Variants in ATP2B4 observed in about 807,000 individuals in gnomAD.
ATP2B4 encodes plasma membrane calcium-transporting ATPase 4.
In ATP2B4, 39 loss-of-function variants were observed where a neutral mutation model predicts 110.3. That is an observed-to-expected ratio of 0.35 (90% CI 0.27 to 0.46). ATP2B4 has a LOEUF of 0.46. Ranked by LOEUF, ATP2B4 falls within the 20% of genes least tolerant of loss-of-function variation. ATP2B4 has a pLI of 1.00. For synonymous variants in ATP2B4, 538 were observed against 571.7 expected (o/e 0.94, Z 0.84); for missense variants, 1,135 against 1,530.9 (o/e 0.74, Z 4.32).
chr1:203,656,651 T>C (rs1332385673), intron 1 of ATP2B4, among the ~76,000 whole-genome samples: 1 of 152,242 alleles, frequency 6.6e-6, no homozygotes, highest in Non-Finnish European at 1.5e-5. Context: ...ATTAAGTGTG[T>C]ATTAACCTTT....
At chr1:203,734,598 C>G (rs937817847) in intron 20 of ATP2B4, among the ~76,000 whole-genome samples, 8 of 150,898 alleles carry the variant, frequency 5.3e-5, no homozygotes, top group African/African-American at 1.7e-4. Context: ...CCCAGCTACT[C>G]GGGAGGCTGA....
At chr1:203,649,681 C>A (rs752879553) in intron 1 of ATP2B4, among the ~76,000 whole-genome samples, 14 of 152,116 alleles carry the variant, frequency 9.2e-5, no homozygotes, top group Non-Finnish European at 2.1e-4. Flanking sequence ...GTAGTCCCAG[C>A]TACTCAAGAG....
intron 1 of ATP2B4, among the ~76,000 whole-genome samples, chr1:203,637,952 G>A (rs908499770): frequency 1.1e-4 from 17 of 152,204 alleles, no homozygotes; most frequent in Middle Eastern, 3.2e-3. Flanking sequence ...TCTGGTGCAG[G>A]GACACATGAC....
chr1:203,630,363 C>G (rs1182804096), intron 1 of ATP2B4, among the ~76,000 whole-genome samples: 1 of 21,768 alleles, frequency 4.6e-5, no homozygotes, highest in Non-Finnish European at 2.4e-4. Flanking sequence ...CTCTCTCTCT[C>G]TCTCTCTTTT....
At chr1:203,648,613 C>T (rs1026386101) in intron 1 of ATP2B4, among the ~76,000 whole-genome samples, 17 of 152,164 alleles carry the variant, frequency 1.1e-4, no homozygotes, top group African/African-American at 1.7e-4. Context: ...GGCACCTGTT[C>T]GGTGCAGGAT....
intron 1 of ATP2B4, among the ~76,000 whole-genome samples, chr1:203,645,115 T>A (rs1000499030): frequency 1.3e-5 from 2 of 152,200 alleles, no homozygotes; most frequent in Non-Finnish European, 2.9e-5. Context: ...ATTAGTGAAG[T>A]GTACATTCTC....
rs115685570 is a variant in ATP2B4 at position 203,651,011 on chromosome 1, G to A, written c.-465+23792G>A. 4.7e-3 allele frequency among the ~76,000 whole-genome samples: 721 copies of A among 152,262 alleles called. 8 individuals are homozygous for A. Among genetic ancestry groups the A allele is most frequent in the African/African-American group, 0.017 (688 of 41,536 alleles). Reference sequence around the variant, plus strand: ...CTGCTCTCTTAATTCCTGGGCTCTAGTGATCCTCCTGCCTCGGCCTCCCAA... The same window carrying A: ...CTGCTCTCTTAATTCCTGGGCTCTAATGATCCTCCTGCCTCGGCCTCCCAA... On this transcript the variant is annotated intron_variant, in intron 1 of 20. Coordinates refer to ENST00000357681, the MANE Select transcript of ATP2B4 (RefSeq NM_001684.5).
rs545834602 is a variant in ATP2B4, at chr1:203,742,268, A to G, written c.*2414A>G. The G allele has an allele frequency of 6.5e-6, 1 of 152,766 alleles. No individual in the cohort carries two copies. Among genetic ancestry groups the G allele is most frequent in the South Asian group, 2.1e-4 (1 of 4,834 alleles). The allele number at this position is 152,766 out of a possible 1,614,324, so 9.5% of individuals were successfully genotyped here. ...ATATTTGTAATTGGTTTTAAAACCA[A>G]TACACCATACTTTCTTTCTGCAAAC... On this transcript the variant is annotated 3_prime_UTR_variant, in exon 21 of 21. Transcript: ENST00000357681.
At chr1:203,706,944 A>G in intron 8 of ATP2B4, 65 bp from the exon 9 acceptor site, 2 of 1,392,194 alleles carry the variant, frequency 1.4e-6, no homozygotes, top group Non-Finnish European at 2.0e-6. Flanking sequence ...ATGCCAATCT[A>G]TCTCTGGCTA....
At chr1:203,659,395 G>A (rs906493236) in intron 1 of ATP2B4, among the ~76,000 whole-genome samples, 1 of 152,178 alleles carries the variant, frequency 6.6e-6, no homozygotes, top group South Asian at 2.1e-4. Flanking sequence ...CTGGCCAGGT[G>A]CAGTGGCTCA....
At chr1:203,736,992 G>A (rs1241539930) in intron 20 of ATP2B4, among the ~76,000 whole-genome samples, 1 of 152,162 alleles carries the variant, frequency 6.6e-6, no homozygotes, top group Non-Finnish European at 1.5e-5. Flanking sequence ...CCTTACAGGT[G>A]GCTGGTTTCC....
intron 1 of ATP2B4, among the ~76,000 whole-genome samples, chr1:203,639,323 G>A (rs933836250): frequency 6.6e-6 from 1 of 152,254 alleles, no homozygotes; most frequent in East Asian, 1.9e-4. Flanking sequence ...AACATGAAGC[G>A]AGCACAGACC....
intron 1 of ATP2B4, among the ~76,000 whole-genome samples, chr1:203,676,357 T>C (rs553591352): frequency 3.9e-5 from 6 of 151,984 alleles, no homozygotes; most frequent in South Asian, 2.1e-4. Context: ...ACCTGAGGGA[T>C]TGGAAGTGGC....
Position 203,709,329 on chromosome 1 carries a change from G to A in ATP2B4, c.1586G>A (p.Arg529Gln), listed in dbSNP as rs1436632338. The A allele has an allele frequency of 5.0e-6, 8 of 1,614,128 alleles. No homozygotes were observed. Among genetic ancestry groups the A allele is most frequent in the East Asian group, 4.5e-5 (2 of 44,882 alleles). The change falls in exon 11 of 21, where the codon CGG (arginine) becomes CAG (glutamine). Residue 529 changes from arginine to glutamine, a missense_variant. Around this residue, in one of 9 missense-constraint regions of ATP2B4, gnomAD observed 368 missense variants for 455.9 expected, o/e 0.81. Coordinates refer to ENST00000357681, the MANE Select transcript of ATP2B4 (RefSeq NM_001684.5). Reference sequence around the variant, plus strand: ...CCAGAGAAGGAGGGAGGCCTGCCTCGGCAGGTGGGCAACAAGACCGAGTGT... The same window carrying A: ...CCAGAGAAGGAGGGAGGCCTGCCTCAGCAGGTGGGCAACAAGACCGAGTGT... ...LPPEKEGGLP[R>Q]QVGNKTECAL...
At chr1:203,627,839 G>A (rs1465113545) in intron 1 of ATP2B4, among the ~76,000 whole-genome samples, 1 of 152,180 alleles carries the variant, frequency 6.6e-6, no homozygotes, top group African/African-American at 2.4e-5. Flanking sequence ...GCTTTGCAGA[G>A]AAACCTCAGC....
chr1:203,731,935 T>C (rs1666732456), intron 20 of ATP2B4, among the ~76,000 whole-genome samples: 2 of 149,734 alleles, frequency 1.3e-5, no homozygotes, highest in South Asian at 4.2e-4. Context: ...TCCCAGCACT[T>C]TGGGAGGCCA....
chr1:203,714,346 G>A, intron 15 of ATP2B4, 69 bp downstream of exon 15: 1 of 1,552,652 alleles, frequency 6.4e-7, no homozygotes, highest in Non-Finnish European at 8.9e-7. Context: ...TCCGGCTTCT[G>A]GTTGCCTGCT....
Position 203,722,562 on chromosome 1 carries a change from C to A in ATP2B4, c.2897C>A (p.Thr966Asn), listed in dbSNP as rs746342973. The stretch of plus-strand genomic sequence containing the variant: ...CAGCACTATACCATTGTTTTTAACA[C>A]CTTCGTGCTGATGCAGCTCTTCAAT... Reference protein sequence around the residue: ...PSQHYTIVFNTFVLMQLFNEI... With the variant: ...PSQHYTIVFNNFVLMQLFNEI... Residue 966 changes from threonine (T) to asparagine (N), a missense_variant, in exon 18 of 21, where the codon ACC becomes AAC. By Grantham distance (65) the Thr-to-Asn change is moderately conservative. Coordinates refer to ENST00000357681, the MANE Select transcript of ATP2B4 (RefSeq NM_001684.5). 6.2e-7 allele frequency: 1 copy of A among 1,614,188 alleles called. No individual in the cohort carries two copies. The highest frequency in any genetic ancestry group is 1.1e-5 in the South Asian group (1 of 91,070).
At chr1:203,724,082 A>T in intron 19 of ATP2B4, 94 bp downstream of exon 19, 1 of 1,030,376 alleles carries the variant, frequency 9.7e-7, no homozygotes, top group South Asian at 1.8e-5. Flanking sequence ...GAGACCCCCC[A>T]GCTCCTCATC....
Sources: allele counts gnomAD v4.1 joint callset (sites outside exome capture counted in the v4.1 genomes callset), GRCh38; gene constraint gnomAD v4.1.1; regional missense constraint gnomAD v4.1.1; transcripts MANE v1.5; gene names NCBI Gene and HGNC (gene_info 2026-07-23, HGNC 2026-07-21).